ZNF700: variants seen among roughly 807,000 people sequenced by gnomAD.
ZNF700 encodes the protein zinc finger protein 700.
ZNF700 carries 38 observed loss-of-function variants against 65.3 expected under a neutral mutation model. That is an observed-to-expected ratio of 0.58 (90% CI 0.45 to 0.76). The LOEUF is 0.76. ZNF700 is among the 30% of genes least tolerant of loss of function. The probability of loss-of-function intolerance (pLI) is 0.00; values close to 1 mark genes in which losing one functional copy is unlikely to be tolerated. For missense variants in ZNF700, 857 were observed against 888.4 expected, an observed-to-expected ratio of 0.96 and a Z score of 0.45; for synonymous variants, 285 against 290.4, an observed-to-expected ratio of 0.98 and a Z score of 0.19.
intron 1 of ZNF700, among the ~76,000 whole-genome samples, chr19:11,927,865 AAG>A (rs1419978758): frequency 1.3e-5 from 2 of 152,208 alleles, no homozygotes; most frequent in Non-Finnish European, 2.9e-5. Context: ...TGTTAGTGTC[AAG>A]ATGGAGCTGA....
intron 1 of ZNF700, among the ~76,000 whole-genome samples, chr19:11,932,908 A>G (rs933438990): frequency 4.7e-5 from 7 of 148,464 alleles, no homozygotes; most frequent in Non-Finnish European, 1.0e-4. Flanking sequence ...AAGTGCTGGG[A>G]TTACAGGCGT....
At position 11,936,869 on chromosome 19, in the gene ZNF700, G is replaced by A. The variant is rs375016496; in HGVS notation, c.64-10312G>A. Among the ~76,000 whole-genome samples, 20 of 152,296 alleles carry A rather than the reference G, an allele frequency of 1.3e-4. No homozygotes were observed. The East Asian group carries it at 2.5e-3, about 19-fold the overall frequency. ...CATCTTGAATTAATTTTTGTGTAAG[G>A]TGTAAGGAAGGGATCCAGTTTCAGC... On this transcript the variant is annotated intron_variant, in intron 1 of 3. Coordinates refer to ENST00000254321, the MANE Select transcript of ZNF700 (RefSeq NM_144566.3).
Position 11,949,247 on chromosome 19 carries a change from A to G in ZNF700, c.1223A>G (p.His408Arg), listed in dbSNP as rs151271610. 6 of 1,614,158 alleles carry G rather than the reference A, an allele frequency of 3.7e-6. No individual in the cohort carries two copies. The highest frequency in any genetic ancestry group is 1.6e-4 in the Middle Eastern group (1 of 6,062). The change falls in exon 4 of 4, where the codon CAT becomes CGT. Residue 408 changes from histidine (H) to arginine (R), a missense_variant. By Grantham distance (29) the His-to-Arg change is conservative. Coordinates refer to ENST00000254321, the MANE Select transcript of ZNF700 (RefSeq NM_144566.3). ...AFNLSSSFRY[H>R]ERIHTGEKPY... is the part of the protein sequence containing the mutation. Reference sequence around the variant, plus strand: ...AATCTTTCCAGTTCCTTTCGATATCATGAAAGGATTCACACTGGAGAGAAA... The same window carrying G: ...AATCTTTCCAGTTCCTTTCGATATCGTGAAAGGATTCACACTGGAGAGAAA...
intron 1 of ZNF700, among the ~76,000 whole-genome samples, chr19:11,935,341 A>T (rs921260698): frequency 2.1e-5 from 3 of 141,098 alleles, no homozygotes; most frequent in Non-Finnish European, 4.5e-5. Context: ...GGTTCAAGTG[A>T]TTCATCTGCC....
At chr19:11,931,806 C>T (rs1184677467) in intron 1 of ZNF700, among the ~76,000 whole-genome samples, 1 of 147,976 alleles carries the variant, frequency 6.8e-6, no homozygotes, top group East Asian at 1.9e-4. Flanking sequence ...CTTTTTTGGA[C>T]TTCAAGAAAA....
intron 1 of ZNF700, among the ~76,000 whole-genome samples, chr19:11,943,530 G>T (rs1457735264): frequency 6.6e-6 from 1 of 151,962 alleles, no homozygotes; most frequent in East Asian, 1.9e-4. Context: ...CTATTACCTA[G>T]AAAAGAACTA....
At chr19:11,929,538 G>A (rs1415936572) in intron 1 of ZNF700, among the ~76,000 whole-genome samples, 2 of 148,092 alleles carry the variant, frequency 1.4e-5, no homozygotes, top group East Asian at 1.9e-4. Context: ...GGTAAATTGT[G>A]CCTGATTAAG....
intron 1 of ZNF700, among the ~76,000 whole-genome samples, chr19:11,931,879 G>A (rs1972718972): frequency 1.3e-5 from 2 of 148,148 alleles, no homozygotes; most frequent in African/African-American, 5.3e-5. Flanking sequence ...ACTTTAGGAG[G>A]TCAATGCATG....
intron 1 of ZNF700, among the ~76,000 whole-genome samples, chr19:11,925,906 C>T (rs1972619821): frequency 6.6e-6 from 1 of 152,098 alleles, no homozygotes; most frequent in Non-Finnish European, 1.5e-5. Flanking sequence ...TTATTCATTT[C>T]AGAGAGACAG....
At chr19:11,947,613 AC>A (rs1388647922) in intron 3 of ZNF700, 39 bp downstream of exon 3, 2 of 1,546,158 alleles carry the variant, frequency 1.3e-6, no homozygotes, top group Non-Finnish European at 1.8e-6. Context: ...GTCTCTCTGC[AC>A]AATCTTAGAA....
chr19:11,943,562 G>T (rs1446873688), intron 1 of ZNF700, among the ~76,000 whole-genome samples: 1 of 151,976 alleles, frequency 6.6e-6, no homozygotes, highest in African/African-American at 2.4e-5. Flanking sequence ...TTATTTCAAA[G>T]ACTGTGATCA....
rs556730064 is a variant in ZNF700, at chr19:11,932,503, G to T, written c.63+7230G>T. ...AAAATACATAAAAGAGTTGCACAAT[G>T]AATCCAAATATTGATGGAGTCAGTA... On this transcript the variant is annotated intron_variant, in intron 1 of 3. Coordinates refer to ENST00000254321, the MANE Select transcript of ZNF700 (RefSeq NM_144566.3). 1.1e-4 allele frequency among the ~76,000 whole-genome samples: 17 copies of T among 148,268 alleles called. 1 individual carries two copies. The highest frequency in any genetic ancestry group is 1.9e-4 in the Non-Finnish European group (13 of 67,936).
Position 11,925,112 on chromosome 19 carries a change from C to G in ZNF700, c.-99C>G. On this transcript the variant is annotated 5_prime_UTR_variant, in exon 1 of 4. Coordinates refer to ENST00000254321, the MANE Select transcript of ZNF700 (RefSeq NM_144566.3). Reference sequence around the variant, plus strand: ...GAAATGGAGGGGGTCGCTTTCCTCACCTTCCTCGCTGCGCGGGCGGCGGTT... The same window carrying G: ...GAAATGGAGGGGGTCGCTTTCCTCAGCTTCCTCGCTGCGCGGGCGGCGGTT... 6.9e-7 allele frequency: 1 copy of G among 1,455,134 alleles called. No individual in the cohort carries two copies. Among genetic ancestry groups the G allele is most frequent in the Non-Finnish European group, 9.5e-7 (1 of 1,054,600 alleles). 90.1% of individuals were successfully genotyped at this position (1,455,134 alleles called of 1,614,324 possible).
At chr19:11,926,617 G>C (rs1972632566) in intron 1 of ZNF700, 2 of 154,174 alleles carry the variant, frequency 1.3e-5, no homozygotes, top group Non-Finnish European at 2.9e-5. Flanking sequence ...TCGAACTCCT[G>C]ACCTCAAGTG....
Position 11,950,750 on chromosome 19 carries a change from G to C in ZNF700, c.*497G>C. 4.9e-6 allele frequency: 1 copy of C among 204,722 alleles called. No homozygotes were observed. The highest frequency in any genetic ancestry group is 7.1e-4 in the Middle Eastern group (1 of 1,400). The allele number at this position is 204,722 out of a possible 1,614,324, so 12.7% of individuals were successfully genotyped here. On this transcript the variant is annotated 3_prime_UTR_variant, in exon 4 of 4. Transcript: ENST00000254321. ...AGAAGGTATAATAAAATATCCCATT[G>C]GTTTTATGTATTAGATCAAGCTTAT... is the stretch of plus-strand genomic sequence containing the variant.
chr19:11,940,227 G>T (rs140678296), intron 1 of ZNF700, among the ~76,000 whole-genome samples: 1 of 152,298 alleles, frequency 6.6e-6, no homozygotes, highest in Non-Finnish European at 1.5e-5. Flanking sequence ...ACAGTGCCCG[G>T]CCAAGATGTT....
chr19:11,933,125 A>G (rs747342339), intron 1 of ZNF700, among the ~76,000 whole-genome samples: 3 of 147,546 alleles, frequency 2.0e-5, no homozygotes, highest in Admixed American at 2.0e-4. Context: ...CCTATTTTAA[A>G]CATCTTGACT....
At chr19:11,926,420 C>T (rs1397150839) in intron 1 of ZNF700, among the ~76,000 whole-genome samples, 1 of 152,150 alleles carries the variant, frequency 6.6e-6, no homozygotes, top group Non-Finnish European at 1.5e-5. Context: ...GAGACGGAGT[C>T]TCCTGTCGCC....
At position 11,948,930 on chromosome 19, in the gene ZNF700, A is replaced by C. The variant is rs1371362889; in HGVS notation, c.906A>C (p.Gly302=). ...SYHRHERSHM[G]EKPYQCKECG... ...ATAGACATGAAAGAAGTCACATGGG[A>C]GAGAAGCCTTATCAATGCAAAGAAT... Residue 302 remains glycine, a synonymous_variant, in exon 4 of 4, where the codon GGA becomes GGC. Transcript: ENST00000254321. The C allele has an allele frequency of 6.2e-7, 1 of 1,607,900 alleles. No individual in the cohort carries two copies. The highest frequency in any genetic ancestry group is 1.7e-5 in the Admixed American group (1 of 57,718).
Sources: allele counts gnomAD v4.1 joint callset (sites outside exome capture counted in the v4.1 genomes callset), GRCh38; gene constraint gnomAD v4.1.1; transcripts MANE v1.5; gene names NCBI Gene and HGNC (gene_info 2026-07-23, HGNC 2026-07-21).